LARS2: variants seen among roughly 807,000 people sequenced by gnomAD.
LARS2 encodes the protein leucine--tRNA ligase, mitochondrial.
In LARS2, 81 loss-of-function variants were observed where a neutral mutation model predicts 116.6. The observed-to-expected ratio is 0.69, with a 90% CI of 0.58 to 0.84. The LOEUF (loss-of-function observed/expected upper bound fraction) is 0.84. LARS2 is among the 40% of genes least tolerant of loss of function. LARS2 has a pLI of 0.00. For synonymous variants in LARS2, 396 were observed against 407.2 expected, an observed-to-expected ratio of 0.97 and a Z score of 0.33; for missense variants, 968 against 1,114.5, an observed-to-expected ratio of 0.87 and a Z score of 1.87.
At chr3:45,404,022 A>C (rs909626645) in intron 4 of LARS2, among the ~76,000 whole-genome samples, 1 of 152,204 alleles carries the variant, frequency 6.6e-6, no homozygotes, top group African/African-American at 2.4e-5. Context: ...TATTATTTAT[A>C]CTGATCTTAT....
intron 6 of LARS2, among the ~76,000 whole-genome samples, chr3:45,436,792 C>T: frequency 9.1e-6 from 1 of 109,790 alleles, no homozygotes; most frequent in Non-Finnish European, 1.9e-5. Flanking sequence ...CAGAGCGAGA[C>T]TCGTCTCAAA....
rs113057172 is a variant in LARS2, at chr3:45,513,111, T to G, written c.1761-24T>G. 346 of 1,517,110 alleles carry G rather than the reference T, an allele frequency of 2.3e-4. 3 individuals carry two copies. The African/African-American group carries it at 4.0e-3, about 18-fold the overall frequency. The allele number at this position is 1,517,110 out of a possible 1,614,324, so 94.0% of individuals were successfully genotyped here. A position where few individuals can be genotyped will look rare whatever the true frequency, so the allele number is the denominator to read the frequency against. Reference sequence around the variant, plus strand: ...GCCTCATGTCCCACTCCTCCTGTTTTCTTTTCCTGTCATCTTTCCTCAGGG... The same window carrying G: ...GCCTCATGTCCCACTCCTCCTGTTTGCTTTTCCTGTCATCTTTCCTCAGGG... On this transcript the variant is annotated intron_variant, in intron 15 of 21. Transcript: ENST00000645846.
chr3:45,510,648 G>A (rs369171060), intron 15 of LARS2, among the ~76,000 whole-genome samples: 86 of 152,354 alleles, frequency 5.6e-4, no homozygotes, highest in African/African-American at 1.6e-3. Context: ...GGGAAATGGC[G>A]TGAGTAAAGA....
intron 20 of LARS2, among the ~76,000 whole-genome samples, chr3:45,527,336 C>G (rs1700544979): frequency 1.3e-5 from 2 of 152,064 alleles, no homozygotes. Context: ...CTTAAGAAAT[C>G]TTATCTTGCC....
In LARS2 at chr3:45,476,495, C is replaced by G; in HGVS notation, c.886C>G (p.Leu296Val). The change falls in exon 10 of 22, where the codon CTG becomes GTG. Residue 296 changes from leucine (L) to valine (V), a missense_variant. Leu to Val is a conservative substitution (Grantham distance 32). Transcript: ENST00000645846. The part of the protein sequence containing the change: ...KVHGQATGEK[L>V]TAYTATPEAI... The stretch of plus-strand genomic sequence containing the variant: ...TCATGGGCAAGCCACGGGCGAAAAG[C>G]TGACTGCCTATACGGCCACCCCTGA... The G allele has an allele frequency of 6.2e-7, 1 of 1,614,214 alleles. No homozygotes were observed. The highest frequency in any genetic ancestry group is 8.5e-7 in the Non-Finnish European group (1 of 1,180,016).
At chr3:45,452,671 G>A (rs1699152921) in intron 7 of LARS2, among the ~76,000 whole-genome samples, 1 of 152,092 alleles carries the variant, frequency 6.6e-6, no homozygotes, top group Non-Finnish European at 1.5e-5. Context: ...TCTTTGTCTG[G>A]TTTGGATATC....
chr3:45,437,534 GAGGCT>G (rs768775179), intron 6 of LARS2, among the ~76,000 whole-genome samples: 3 of 152,258 alleles, frequency 2.0e-5, no homozygotes, highest in Non-Finnish European at 4.4e-5. Flanking sequence ...AGCAGTCAGT[GAGGCT>G]GAGGAAGCCT....
intron 7 of LARS2, among the ~76,000 whole-genome samples, chr3:45,457,001 G>A (rs1424035648): frequency 2.0e-5 from 3 of 152,218 alleles, no homozygotes; most frequent in African/African-American, 4.8e-5. Flanking sequence ...TTTGATGAAG[G>A]ACTATTTGTG....
chr3:45,547,534 C>T lies in LARS2; in HGVS notation c.*4C>T. 1 of 1,595,026 alleles carries T rather than the reference C, an allele frequency of 6.3e-7. No homozygotes were observed. Among genetic ancestry groups the T allele is most frequent in the Non-Finnish European group, 8.5e-7 (1 of 1,171,820 alleles). ...CAACTTCCTGGTGCAAGATTGACAG[C>T]CAGGAGGCTGCAGCTACCACGAGGG... On this transcript the variant is annotated 3_prime_UTR_variant, in exon 22 of 22. Transcript: ENST00000645846.
chr3:45,535,212 G>T (rs770948451), intron 20 of LARS2, among the ~76,000 whole-genome samples: 1 of 152,120 alleles, frequency 6.6e-6, no homozygotes, highest in Non-Finnish European at 1.5e-5. Flanking sequence ...TTAGCCAGGC[G>T]TGGTGGCACA....
intron 10 of LARS2, among the ~76,000 whole-genome samples, chr3:45,481,248 A>G (rs4682788): frequency 0.8 from 121,714 of 152,262 alleles, 52,848 homozygotes; most frequent in East Asian, 0.98. Flanking sequence ...GCCACATTTT[A>G]TTTATCCATT....
intron 13 of LARS2, among the ~76,000 whole-genome samples, chr3:45,494,427 G>T (rs1244599852): frequency 1.3e-5 from 2 of 152,190 alleles, no homozygotes; most frequent in Non-Finnish European, 2.9e-5. Flanking sequence ...TTCCTCTTGG[G>T]ATTCCTCATC....
At chr3:45,433,662 G>A (rs747897663) in intron 6 of LARS2, among the ~76,000 whole-genome samples, 8 of 152,110 alleles carry the variant, frequency 5.3e-5, no homozygotes, top group African/African-American at 9.6e-5. Context: ...AAAGTCTATC[G>A]TATTTACCCC....
At chr3:45,526,891 A>G (rs1317362302) in intron 20 of LARS2, among the ~76,000 whole-genome samples, 1 of 152,218 alleles carries the variant, frequency 6.6e-6, no homozygotes, top group Non-Finnish European at 1.5e-5. Flanking sequence ...AATGGGACCT[A>G]TTCTTAAGAA....
At chr3:45,468,450 A>T (rs371912480) in intron 8 of LARS2, among the ~76,000 whole-genome samples, 9 of 152,288 alleles carry the variant, frequency 5.9e-5, no homozygotes, top group African/African-American at 2.2e-4. Context: ...TAGCTATTGG[A>T]CTACTCCCTC....
Position 45,476,595 on chromosome 3 carries a change from A to C in LARS2, c.986A>C (p.Glu329Ala). ...RLLHGHSSLK[E>A]ALRMALVPGK... ...CTACATGGGCACAGCTCTCTGAAGG[A>C]AGCCTTGAGGATGGCCCTTGTCCCT... The change falls in exon 10 of 22, where the codon GAA (glutamate) becomes GCA (alanine). Residue 329 changes from glutamate (E) to alanine (A), a missense_variant. By Grantham distance (107) the Glu-to-Ala change is moderately radical (BLOSUM62 -1). Coordinates refer to ENST00000645846, the MANE Select transcript of LARS2 (RefSeq NM_015340.4). The C allele has an allele frequency of 6.2e-7, 1 of 1,614,168 alleles. No homozygotes were observed. Among genetic ancestry groups the C allele is most frequent in the Non-Finnish European group, 8.5e-7 (1 of 1,180,010 alleles).
rs138424381 is a variant in LARS2 at position 45,482,085 on chromosome 3, G to A, written c.1019-3607G>A. Among the ~76,000 whole-genome samples the A allele has an allele frequency of 5.8e-3, 878 of 152,208 alleles. 12 individuals carry two copies. The highest frequency in any genetic ancestry group is 0.02 in the African/African-American group (846 of 41,542). ...ATGGTCATGTTACTTTTTAACTCAC[G>A]TTCCCACATTATCTTAAAAATCAGG... On this transcript the variant is annotated intron_variant, in intron 10 of 21. Transcript: ENST00000645846.
chr3:45,514,205 CAAA>C, intron 16 of LARS2, among the ~76,000 whole-genome samples: 1 of 140,224 alleles, frequency 7.1e-6, no homozygotes, highest in East Asian at 2.1e-4. Context: ...GACTCTGTCT[CAAA>C]AAAAAAAAAG....
rs1699686018 is a variant in LARS2 at position 45,480,803 on chromosome 3, C to T, written c.1018+4176C>T. ...ACCAATTTTTGTCCTAACTGAGAAACTGGTATAATATAACTTTTACATGTA... is the reference window on the plus strand; with the variant it reads ...ACCAATTTTTGTCCTAACTGAGAAATTGGTATAATATAACTTTTACATGTA... On this transcript the variant is annotated intron_variant, in intron 10 of 21. Transcript: ENST00000645846. Among the ~76,000 whole-genome samples, 3 of 152,176 alleles carry T rather than the reference C, an allele frequency of 2.0e-5. No individual in the cohort carries two copies. In the South Asian group the frequency reaches 6.2e-4, roughly 31 times the overall value.
Sources: gnomAD v4.1 joint callset for allele counts (sites outside exome capture counted in the v4.1 genomes callset) on GRCh38, gnomAD v4.1.1 for gene constraint, MANE v1.5 for transcripts, NCBI Gene and HGNC (gene_info 2026-07-23, HGNC 2026-07-21) for gene names.